SCAMP1: variants seen among roughly 807,000 people sequenced by gnomAD.
The protein encoded by SCAMP1 is secretory carrier membrane protein 1.
SCAMP1 carries 15 observed loss-of-function variants against 41.8 expected under a neutral mutation model. The ratio of observed to expected loss-of-function variants is 0.36; its 90% CI spans 0.24 to 0.55. SCAMP1 has a LOEUF of 0.55. Ranked by LOEUF, SCAMP1 falls within the 20% of genes least tolerant of loss-of-function variation. The pLI, the probability that SCAMP1 is intolerant of heterozygous loss-of-function variation, is 0.86. For missense variants in SCAMP1, 341 were observed against 412.6 expected (o/e 0.83, Z 1.50); for synonymous variants, 135 against 136.8 (o/e 0.99, Z 0.09).
At chr5:78,361,320 T>TAGGTTG (rs1314010693) in intron 1 of SCAMP1, among the ~76,000 whole-genome samples, 10 of 152,182 alleles carry the variant, frequency 6.6e-5, no homozygotes, top group African/African-American at 2.2e-4. Flanking sequence ...CTCTTTCTGT[T>TAGGTTG]AGGTTGAGGT....
intron 6 of SCAMP1, among the ~76,000 whole-genome samples, chr5:78,432,587 A>T (rs572687776): frequency 6.6e-6 from 1 of 151,258 alleles, no homozygotes; most frequent in African/African-American, 2.4e-5. Context: ...TCTTATCCTT[A>T]TTTTTCTGTA....
At chr5:78,375,324 G>C (rs1471129880) in intron 1 of SCAMP1, among the ~76,000 whole-genome samples, 2 of 152,112 alleles carry the variant, frequency 1.3e-5, no homozygotes, top group Admixed American at 6.5e-5. Flanking sequence ...TTTGGATTTA[G>C]ATTTGGATTT....
chr5:78,420,809 A>G (rs1400257632), intron 5 of SCAMP1, among the ~76,000 whole-genome samples: 1 of 152,172 alleles, frequency 6.6e-6, no homozygotes, highest in Non-Finnish European at 1.5e-5. Flanking sequence ...ATCCTGTTTC[A>G]TTAATTATTA....
At chr5:78,389,182 T>C (rs1274172855) in intron 2 of SCAMP1, among the ~76,000 whole-genome samples, 3 of 152,240 alleles carry the variant, frequency 2.0e-5, no homozygotes, top group Non-Finnish European at 4.4e-5. Context: ...TGTAAACTTT[T>C]CCACATTACT....
At chr5:78,431,369 GAAGTTGACAAGTCTATATATT>G (rs1752618056) in intron 6 of SCAMP1, among the ~76,000 whole-genome samples, 1 of 150,886 alleles carries the variant, frequency 6.6e-6, no homozygotes. Flanking sequence ...CTTTATATAT[GAAGTTGACAAGTCTATATATT>G]AAGTTGACAG....
intron 6 of SCAMP1, among the ~76,000 whole-genome samples, chr5:78,425,640 G>A (rs899722914): frequency 2.6e-5 from 4 of 151,968 alleles, no homozygotes; most frequent in Non-Finnish European, 1.5e-5. Context: ...AGTTCTTGCC[G>A]CTGACTTATG....
chr5:78,480,684 T>A lies in SCAMP1; in HGVS notation c.*5016T>A, dbSNP rs1320478582. ...CAATACATAATGTGTTGTAGAACAA[T>A]TAAAAATTCAGAAAGTGATACATGA... On this transcript the variant is annotated 3_prime_UTR_variant, in exon 9 of 9. Transcript: ENST00000621999. Among the ~76,000 whole-genome samples, 12 of 152,316 alleles carry A rather than the reference T, an allele frequency of 7.9e-5. No individual in the cohort carries two copies. Among genetic ancestry groups the A allele is most frequent in the African/African-American group, 2.9e-4 (12 of 41,580 alleles).
rs182735841 is a variant in SCAMP1, at chr5:78,466,025, G to A, written c.852+6663G>A. Reference sequence around the variant, plus strand: ...GTTTGATTGAATAATTGGAGACTGCGGCCTAGCCAAATTAACATGTAACAC... The same window carrying A: ...GTTTGATTGAATAATTGGAGACTGCAGCCTAGCCAAATTAACATGTAACAC... On this transcript the variant is annotated intron_variant, in intron 8 of 8. Transcript: ENST00000621999. Among the ~76,000 whole-genome samples, 7 of 152,326 alleles carry A rather than the reference G, an allele frequency of 4.6e-5. No homozygotes were observed. The East Asian group carries it at 1.2e-3, about 25-fold the overall frequency.
At position 78,366,148 on chromosome 5, in the gene SCAMP1, TC is replaced by T. The variant is rs200681079; in HGVS notation, c.57+5421del. Among the ~76,000 whole-genome samples the T allele has an allele frequency of 3.2e-3, 461 of 145,924 alleles. 49 individuals are homozygous for T. Among genetic ancestry groups the T allele is most frequent in the African/African-American group, 7.6e-3 (305 of 40,164 alleles). On this transcript the variant is annotated intron_variant, in intron 1 of 8. Transcript: ENST00000621999. ...TCTTTGGGGCCCTTTTCTTTTCTTT[TC>T]TTTTTTTTTTTTGAGACGGAGTCTT...
At chr5:78,382,794 TGTGTGTGTGTGTGTGTGTGTGTGTGC>T (rs1045772704) in intron 1 of SCAMP1, among the ~76,000 whole-genome samples, 13 of 127,516 alleles carry the variant, frequency 1.0e-4, no homozygotes, top group Non-Finnish European at 1.9e-4. Flanking sequence ...TGTGTGTGTG[TGTGTGTGTGTGTGTGTGTGTGTGTGC>T]GCCACATTTT....
At chr5:78,434,634 T>C (rs956832638) in intron 6 of SCAMP1, among the ~76,000 whole-genome samples, 1 of 152,202 alleles carries the variant, frequency 6.6e-6, no homozygotes, top group African/African-American at 2.4e-5. Context: ...TTAAAAAATT[T>C]TTTAACATTT....
chr5:78,385,986 G>A (rs1751330993), intron 1 of SCAMP1, among the ~76,000 whole-genome samples: 2 of 152,124 alleles, frequency 1.3e-5, no homozygotes, highest in South Asian at 4.1e-4. Context: ...CTAGGGTATA[G>A]TTTAAATCCA....
At chr5:78,462,940 C>A (rs1196370662) in intron 8 of SCAMP1, among the ~76,000 whole-genome samples, 1 of 151,908 alleles carries the variant, frequency 6.6e-6, no homozygotes, top group African/African-American at 2.4e-5. Flanking sequence ...GAAAATAAGT[C>A]CTTATAATTT....
At chr5:78,426,991 A>G (rs145430413) in intron 6 of SCAMP1, among the ~76,000 whole-genome samples, 1,963 of 152,188 alleles carry the variant, frequency 0.013, 13 homozygotes, top group South Asian at 0.021. Flanking sequence ...GCTCTTTTCA[A>G]CTTTTGGCTT....
At chr5:78,450,988 T>C in intron 7 of SCAMP1, among the ~76,000 whole-genome samples, 1 of 152,304 alleles carries the variant, frequency 6.6e-6, no homozygotes, top group East Asian at 1.9e-4. Context: ...TAGTGTCTAG[T>C]TTTTGGTATT....
At chr5:78,460,978 C>CTT (rs1221938135) in intron 8 of SCAMP1, among the ~76,000 whole-genome samples, 2 of 152,014 alleles carry the variant, frequency 1.3e-5, no homozygotes, top group East Asian at 3.9e-4. Context: ...GTCTCAGCCT[C>CTT]TTGAGTAGCT....
At chr5:78,418,732 T>C (rs772216401) in intron 4 of SCAMP1, 43 bp from the exon 5 acceptor site, 50 of 1,225,890 alleles carry the variant, frequency 4.1e-5, no homozygotes, top group Non-Finnish European at 5.1e-5. Context: ...TCACATTTGT[T>C]ATAATATAAA....
intron 1 of SCAMP1, among the ~76,000 whole-genome samples, chr5:78,377,695 A>G (rs771978332): frequency 1.3e-5 from 2 of 152,168 alleles, no homozygotes; most frequent in Non-Finnish European, 1.5e-5. Context: ...ACTTTTTACA[A>G]TTCTCAGTTA....
intron 8 of SCAMP1, among the ~76,000 whole-genome samples, chr5:78,473,004 G>A (rs1753921905): frequency 6.6e-6 from 1 of 152,154 alleles, no homozygotes. Flanking sequence ...CCAGTCATTT[G>A]TACTCACTTT....
Sources: gnomAD v4.1 joint callset for allele counts (sites outside exome capture counted in the v4.1 genomes callset) on GRCh38, gnomAD v4.1.1 for gene constraint, MANE v1.5 for transcripts, NCBI Gene and HGNC (gene_info 2026-07-23, HGNC 2026-07-21) for gene names.